USH2A: variants seen among roughly 807,000 people sequenced by gnomAD.
USH2A encodes the protein Usher syndrome 2A (autosomal recessive, mild).
Under a neutral mutation model 538.9 loss-of-function variants are expected in USH2A, and 443 were observed. The ratio of observed to expected loss-of-function variants is 0.82; its 90% CI spans 0.76 to 0.89. The LOEUF (loss-of-function observed/expected upper bound fraction) is 0.89. USH2A is among the 40% of genes least tolerant of loss of function. USH2A has a pLI of 0.00. For synonymous variants in USH2A, 2,413 were observed against 2,273.5 expected (o/e 1.06, Z -1.75); for missense variants, 6,633 against 6,324.8 (o/e 1.05, Z -1.65).
At chr1:216,241,687 AC>A (rs1190339001) in intron 13 of USH2A, among the ~76,000 whole-genome samples, 9 of 152,104 alleles carry the variant, frequency 5.9e-5, no homozygotes, top group African/African-American at 2.2e-4. Context: ...GGCATGTGCC[AC>A]CATGCCCAGC....
chr1:216,126,624 G>A (rs2033259595), intron 21 of USH2A, among the ~76,000 whole-genome samples: 1 of 151,832 alleles, frequency 6.6e-6, no homozygotes, highest in Non-Finnish European at 1.5e-5. Flanking sequence ...AGCACCCAAG[G>A]CCAGGAGATA....
chr1:216,057,814 T>C (rs961919007), intron 30 of USH2A, among the ~76,000 whole-genome samples: 11 of 152,248 alleles, frequency 7.2e-5, no homozygotes, highest in African/African-American at 2.7e-4. Context: ...CTTCTGACGA[T>C]TTCCTATTGT....
At chr1:216,310,238 T>C (rs897818358) in intron 9 of USH2A, among the ~76,000 whole-genome samples, 1 of 152,138 alleles carries the variant, frequency 6.6e-6, no homozygotes, top group African/African-American at 2.4e-5. Context: ...TTTTACCTTT[T>C]GTGGTTTTAG....
chr1:215,972,082 T>G (rs1263415744), intron 35 of USH2A, among the ~76,000 whole-genome samples: 5 of 152,206 alleles, frequency 3.3e-5, no homozygotes, highest in African/African-American at 1.2e-4. Flanking sequence ...ACATCCACGC[T>G]TCTATAGCCT....
At chr1:216,207,794 A>C (rs1472404539) in intron 15 of USH2A, among the ~76,000 whole-genome samples, 1 of 151,224 alleles carries the variant, frequency 6.6e-6, no homozygotes, top group Non-Finnish European at 1.5e-5. Flanking sequence ...AGTTGACATA[A>C]GTTCCATTGA....
At chr1:215,815,000 T>G (rs777209905) in intron 48 of USH2A, among the ~76,000 whole-genome samples, 53 of 152,100 alleles carry the variant, frequency 3.5e-4, no homozygotes, top group Non-Finnish European at 6.2e-4. Flanking sequence ...ACATTGATGT[T>G]TACAGTGATT....
intron 32 of USH2A, among the ~76,000 whole-genome samples, chr1:216,028,637 A>C (rs879793775): frequency 1.2e-4 from 18 of 152,098 alleles, no homozygotes; most frequent in Non-Finnish European, 2.4e-4. Flanking sequence ...AAAGTAAAAA[A>C]ATACAAAAGA....
At chr1:216,031,286 T>C (rs1571903380) in intron 32 of USH2A, among the ~76,000 whole-genome samples, 1 of 152,070 alleles carries the variant, frequency 6.6e-6, no homozygotes, top group Admixed American at 6.6e-5. Context: ...CCTATAAATA[T>C]ATGGTTGTAG....
chr1:215,646,549 A>G (rs1221433724), intron 67 of USH2A, among the ~76,000 whole-genome samples: 1 of 151,856 alleles, frequency 6.6e-6, no homozygotes, highest in Non-Finnish European at 1.5e-5. Flanking sequence ...TTTTTTGAGA[A>G]GGAGTCTTGC....
intron 14 of USH2A, among the ~76,000 whole-genome samples, chr1:216,225,561 T>C (rs2035543552): frequency 6.6e-6 from 1 of 152,148 alleles, no homozygotes; most frequent in South Asian, 2.1e-4. Flanking sequence ...TTCTTTCTAT[T>C]CTTTTTAGAG....
At chr1:215,966,388 C>T (rs1667349178) in intron 36 of USH2A, among the ~76,000 whole-genome samples, 1 of 152,142 alleles carries the variant, frequency 6.6e-6, no homozygotes, top group Admixed American at 6.6e-5. Flanking sequence ...TGACCTTTCA[C>T]AATTTACTAA....
At chr1:215,728,823 T>C (rs886205631) in intron 60 of USH2A, among the ~76,000 whole-genome samples, 2 of 152,212 alleles carry the variant, frequency 1.3e-5, no homozygotes, top group Non-Finnish European at 2.9e-5. Flanking sequence ...ACATTATTAA[T>C]GCATTTTTAT....
intron 4 of USH2A, among the ~76,000 whole-genome samples, chr1:216,356,635 T>C (rs960667445): frequency 2.0e-5 from 3 of 152,104 alleles, no homozygotes; most frequent in Admixed American, 6.6e-5. Flanking sequence ...GCCATGTACA[T>C]AGAAAGAGAC....
chr1:216,137,348 A>G (rs981416603), intron 21 of USH2A, among the ~76,000 whole-genome samples: 1 of 152,178 alleles, frequency 6.6e-6, no homozygotes, highest in Admixed American at 6.5e-5. Context: ...CCTCAGAATC[A>G]TGGTGGGAGG....
intron 44 of USH2A, among the ~76,000 whole-genome samples, chr1:215,860,840 T>A (rs1198760366): frequency 6.6e-5 from 10 of 152,172 alleles, no homozygotes; most frequent in Non-Finnish European, 1.2e-4. Context: ...TGGGAGGTAA[T>A]GTTGCTCAAA....
Position 216,203,735 on chromosome 1 carries a change from G to T in USH2A, c.3316+3538C>A, listed in dbSNP as rs182307559. ...AATTTTAAAGATGGAAATGAATAAG[G>T]GTAGAAATGAAATCCCAGGGCTCAT... On this transcript the variant is annotated intron_variant, in intron 16 of 71. Coordinates refer to ENST00000307340, the MANE Select transcript of USH2A (RefSeq NM_206933.4). 3.3e-5 allele frequency among the ~76,000 whole-genome samples: 5 copies of T among 152,168 alleles called. No homozygotes were observed. In the South Asian group the frequency reaches 1.0e-3, roughly 32 times the overall value.
intron 14 of USH2A, among the ~76,000 whole-genome samples, chr1:216,222,927 G>A (rs538293484): frequency 4.7e-5 from 7 of 148,262 alleles, no homozygotes; most frequent in Admixed American, 2.0e-4. Context: ...GTGGTGAGCC[G>A]AGATTGCACC....
intron 9 of USH2A, among the ~76,000 whole-genome samples, chr1:216,315,742 G>A (rs184890689): frequency 6.6e-6 from 1 of 152,054 alleles, no homozygotes; most frequent in East Asian, 1.9e-4. Context: ...AAAATTAAAA[G>A]TTTACTTAAA....
At chr1:216,123,505 A>G (rs1010791011) in intron 21 of USH2A, among the ~76,000 whole-genome samples, 8 of 152,178 alleles carry the variant, frequency 5.3e-5, no homozygotes, top group African/African-American at 1.9e-4. Flanking sequence ...AAATTCTATT[A>G]ATAACCAATT....
Sources: allele counts gnomAD v4.1 joint callset (sites outside exome capture counted in the v4.1 genomes callset), GRCh38; gene constraint gnomAD v4.1.1; transcripts MANE v1.5; gene names NCBI Gene and HGNC (gene_info 2026-07-23, HGNC 2026-07-21).